CEP85L: variants seen among roughly 807,000 people sequenced by gnomAD.
CEP85L encodes the protein centrosomal protein of 85 kDa-like.
A neutral mutation model predicts 100.3 loss-of-function variants in CEP85L; 60 were observed. The ratio of observed to expected loss-of-function variants is 0.60; its 90% CI spans 0.49 to 0.74. The LOEUF (loss-of-function observed/expected upper bound fraction) is 0.74, where lower values mean the gene tolerates loss of function less well. CEP85L is among the 30% of genes least tolerant of loss of function. CEP85L has a pLI of 0.00. For missense variants in CEP85L, 973 were observed against 936.2 expected (o/e 1.04, Z -0.51); for synonymous variants, 319 against 322.7 (o/e 0.99, Z 0.12).
At chr6:118,536,544 A>T (rs1230963359) in intron 3 of CEP85L, among the ~76,000 whole-genome samples, 2 of 152,214 alleles carry the variant, frequency 1.3e-5, no homozygotes, top group Non-Finnish European at 2.9e-5. Flanking sequence ...GAAGGGAAAT[A>T]AAGGCCTCAT....
chr6:118,692,956 ATTC>A (rs1475362382), intron 1 of CEP85L, among the ~76,000 whole-genome samples: 1 of 152,206 alleles, frequency 6.6e-6, no homozygotes, highest in African/African-American at 2.4e-5. Context: ...GGCTATTTAT[ATTC>A]TTACCTCAGA....
At chr6:118,661,852 C>G (rs973166167) in intron 1 of CEP85L, among the ~76,000 whole-genome samples, 1 of 152,198 alleles carries the variant, frequency 6.6e-6, no homozygotes, top group Admixed American at 6.5e-5. Context: ...AAGAATAGCA[C>G]TAAAGCCACC....
intron 2 of CEP85L, among the ~76,000 whole-genome samples, chr6:118,630,429 A>C (rs933689849): frequency 2.0e-5 from 3 of 152,180 alleles, no homozygotes; most frequent in African/African-American, 7.2e-5. Context: ...TATGAACCTC[A>C]TCATTCTTCA....
intron 1 of CEP85L, among the ~76,000 whole-genome samples, chr6:118,709,157 G>A (rs567539986): frequency 2.4e-4 from 37 of 152,062 alleles, no homozygotes; most frequent in Non-Finnish European, 4.3e-4. Context: ...GAAAACCCAT[G>A]AGCGTGAGTT....
chr6:118,633,264 G>A (rs925388359), intron 1 of CEP85L, among the ~76,000 whole-genome samples: 6 of 151,164 alleles, frequency 4.0e-5, no homozygotes, highest in Admixed American at 2.6e-4. Flanking sequence ...GAGTGCAGTG[G>A]CGCGATCTCT....
intron 2 of CEP85L, among the ~76,000 whole-genome samples, chr6:118,612,338 A>G (rs1026410776): frequency 2.0e-5 from 3 of 151,934 alleles, no homozygotes; most frequent in Non-Finnish European, 4.4e-5. Context: ...CAGTTCTGAG[A>G]GGAAAATTTA....
chr6:118,603,065 C>A (rs1781866641), intron 2 of CEP85L, among the ~76,000 whole-genome samples: 1 of 152,118 alleles, frequency 6.6e-6, no homozygotes. Flanking sequence ...CATGATCCAC[C>A]CACCTTGGCC....
chr6:118,566,423 A>C, intron 2 of CEP85L, 107 bp from the exon 3 acceptor site: 1 of 1,004,822 alleles, frequency 1.0e-6, no homozygotes, highest in East Asian at 2.6e-5. Flanking sequence ...TCATAGCACA[A>C]GCTTTTTTTT....
At chr6:118,489,089 G>A (rs1774379289) in intron 6 of CEP85L, among the ~76,000 whole-genome samples, 1 of 152,030 alleles carries the variant, frequency 6.6e-6, no homozygotes, top group South Asian at 2.1e-4. Flanking sequence ...CCAACATGGT[G>A]AAACCTCGTC....
At chr6:118,614,897 T>TAGAC (rs1243731742) in intron 2 of CEP85L, among the ~76,000 whole-genome samples, 2 of 151,604 alleles carry the variant, frequency 1.3e-5, no homozygotes, top group Non-Finnish European at 2.9e-5. Flanking sequence ...GATAGATAGA[T>TAGAC]AGATAGATAG....
intron 1 of CEP85L, among the ~76,000 whole-genome samples, chr6:118,674,192 T>G (rs1776404587): frequency 6.6e-6 from 1 of 152,206 alleles, no homozygotes; most frequent in South Asian, 2.1e-4. Flanking sequence ...ATAAAAATTA[T>G]GAATATTTGT....
chr6:118,632,402 C>A, intron 2 of CEP85L, 51 bp downstream of exon 2: 1 of 1,414,262 alleles, frequency 7.1e-7, no homozygotes. Context: ...ATTCTTGTAC[C>A]ACAACCACTC....
chr6:118,587,445 G>T lies in CEP85L; in HGVS notation c.233-21129C>A, dbSNP rs544046663. On this transcript the variant is annotated intron_variant, in intron 2 of 12. Coordinates refer to ENST00000368491, the MANE Select transcript of CEP85L (RefSeq NM_001042475.3). ...CACTTGTAATTGCTGATAGTTCAAA[G>T]ATTTGAGGAGAGTGCAACAAGGGTG... 3.9e-5 allele frequency among the ~76,000 whole-genome samples: 6 copies of T among 152,324 alleles called. No individual in the cohort carries two copies. In the South Asian group the frequency reaches 1.2e-3, roughly 32 times the overall value.
intron 3 of CEP85L, chr6:118,537,574 G>A (rs954841167): frequency 2.0e-6 from 2 of 985,126 alleles, no homozygotes; most frequent in Admixed American, 6.2e-5. Flanking sequence ...AAGGATAGCA[G>A]GCATCTACAA....
rs776071651 is a variant in CEP85L, at chr6:118,511,351, C to A, written c.1204G>T (p.Ala402Ser). 25 of 1,613,088 alleles carry A rather than the reference C, an allele frequency of 1.5e-5. No individual in the cohort carries two copies. Among genetic ancestry groups the A allele is most frequent in the Non-Finnish European group, 2.1e-5 (25 of 1,179,466 alleles). Residue 402 changes from alanine to serine, a missense_variant, in exon 5 of 13, where the codon GCC (alanine) becomes TCC (serine). Ala to Ser is a moderately conservative substitution (Grantham distance 99). Coordinates refer to ENST00000368491, the MANE Select transcript of CEP85L (RefSeq NM_001042475.3). ...IRDNELRAQH[A>S]MLGHYVNCED... is the part of the protein sequence containing the mutation. ...CAATTTACATAATGTCCTAACATGG[C>A]ATGTTGAGCCCGTAATTCATTATCC... is the stretch of plus-strand genomic sequence containing the variant.
intron 3 of CEP85L, among the ~76,000 whole-genome samples, chr6:118,558,351 G>C (rs1251550706): frequency 6.6e-6 from 1 of 152,088 alleles, no homozygotes; most frequent in South Asian, 2.1e-4. Flanking sequence ...GAAGTTTGGT[G>C]ATGTTTTTGT....
intron 2 of CEP85L, among the ~76,000 whole-genome samples, chr6:118,576,068 C>T (rs1780212056): frequency 6.6e-6 from 1 of 152,162 alleles, no homozygotes; most frequent in African/African-American, 2.4e-5. Context: ...ATTATACTCC[C>T]TGGCATCTGT....
intron 1 of CEP85L, among the ~76,000 whole-genome samples, chr6:118,686,242 C>A (rs1279507092): frequency 5.9e-5 from 9 of 151,738 alleles, no homozygotes; most frequent in Non-Finnish European, 5.9e-5. Context: ...CATTTAAATA[C>A]CTTTAAATTC....
At chr6:118,502,578 G>A (rs1332416485) in intron 5 of CEP85L, 8 of 472,260 alleles carry the variant, frequency 1.7e-5, no homozygotes, top group African/African-American at 1.2e-4. Context: ...AAACTTTGGC[G>A]CTCCGGTTGA....
Sources: allele counts gnomAD v4.1 joint callset (sites outside exome capture counted in the v4.1 genomes callset), GRCh38; gene constraint gnomAD v4.1.1; transcripts MANE v1.5; gene names NCBI Gene and HGNC (gene_info 2026-07-23, HGNC 2026-07-21).